CYRIB: variants seen among roughly 807,000 people sequenced by gnomAD.
CYRIB encodes the protein CYFIP-related Rac1 interactor B.
CYRIB carries 8 observed loss-of-function variants against 44.2 expected under a neutral mutation model. The observed-to-expected ratio is 0.18, with a 90% confidence interval of 0.11 to 0.33. CYRIB has a LOEUF of 0.33. Among genes scored for constraint, CYRIB ranks in the 10% least tolerant of loss-of-function variants. The pLI, the probability that CYRIB is intolerant of heterozygous loss-of-function variation, is 1.00. For missense variants in CYRIB, 185 were observed against 382.8 expected (o/e 0.48, Z 4.31); for synonymous variants, 131 against 127.2 (o/e 1.03, Z -0.20).
intron 1 of CYRIB, among the ~76,000 whole-genome samples, chr8:129,983,624 G>A (rs954110785): frequency 2.0e-5 from 3 of 152,210 alleles, no homozygotes; most frequent in African/African-American, 7.2e-5. Flanking sequence ...CGGCAGGAAG[G>A]GATCCAGGGC....
intron 1 of CYRIB, among the ~76,000 whole-genome samples, chr8:129,912,731 AT>A (rs969856648): frequency 9.4e-5 from 14 of 149,592 alleles, no homozygotes; most frequent in African/African-American, 3.4e-4. Flanking sequence ...CTTGCAAGTC[AT>A]TTTTTTTTCA....
At chr8:129,982,341 G>A (rs1021163165) in intron 1 of CYRIB, among the ~76,000 whole-genome samples, 8 of 152,210 alleles carry the variant, frequency 5.3e-5, no homozygotes, top group African/African-American at 1.9e-4. Flanking sequence ...GCCACATGTG[G>A]TTACTGAGCA....
intron 1 of CYRIB, among the ~76,000 whole-genome samples, chr8:129,932,474 G>GT (rs2091797480): frequency 1.3e-5 from 2 of 152,114 alleles, no homozygotes; most frequent in African/African-American, 4.8e-5. Context: ...CTTCTCTCCA[G>GT]TAAGAAAGCC....
chr8:129,913,084 G>A (rs2078889181), intron 1 of CYRIB, among the ~76,000 whole-genome samples: 1 of 151,488 alleles, frequency 6.6e-6, no homozygotes, highest in African/African-American at 2.4e-5. Flanking sequence ...TCATTCTCCG[G>A]CCTCAGCCTC....
At chr8:129,958,711 T>G (rs908475616) in intron 2 of CYRIB, among the ~76,000 whole-genome samples, 1 of 151,482 alleles carries the variant, frequency 6.6e-6, no homozygotes, top group Non-Finnish European at 1.5e-5. Flanking sequence ...ATTCAATTTC[T>G]GTTATTTACC....
intron 1 of CYRIB, among the ~76,000 whole-genome samples, chr8:129,982,149 G>A (rs773303493): frequency 1.1e-4 from 17 of 152,242 alleles, no homozygotes; most frequent in Non-Finnish European, 2.4e-4. Context: ...CACTGGTAGC[G>A]ACATTAACAG....
At chr8:129,909,082 A>G (rs2076819971) in intron 1 of CYRIB, among the ~76,000 whole-genome samples, 1 of 152,120 alleles carries the variant, frequency 6.6e-6, no homozygotes, top group African/African-American at 2.4e-5. Flanking sequence ...ATGAGCCACC[A>G]TGCCTGACCA....
intron 2 of CYRIB, among the ~76,000 whole-genome samples, chr8:129,880,142 T>C (rs1042855218): frequency 5.3e-5 from 8 of 152,234 alleles, no homozygotes; most frequent in African/African-American, 1.9e-4. Flanking sequence ...ACTTGCTTCA[T>C]GGACTAATGA....
chr8:129,919,653 C>T (rs1450176417), intron 1 of CYRIB, among the ~76,000 whole-genome samples: 1 of 152,000 alleles, frequency 6.6e-6, no homozygotes, highest in Non-Finnish European at 1.5e-5. Flanking sequence ...AAAAAAACAC[C>T]AGTACTACTA....
intron 1 of CYRIB, among the ~76,000 whole-genome samples, chr8:129,976,648 G>A (rs1174594042): frequency 6.6e-6 from 1 of 152,146 alleles, no homozygotes; most frequent in Non-Finnish European, 1.5e-5. Flanking sequence ...TTAGTTATAA[G>A]CGGTTTTTCC....
At chr8:130,016,546 A>G, upstream of CYRIB, 1 of 156,734 alleles carries the variant, frequency 6.4e-6, no homozygotes, top group South Asian at 1.6e-4. Context: ...GGCGAGTGCC[A>G]GGCGAGAAAT....
intron 1 of CYRIB, among the ~76,000 whole-genome samples, chr8:129,918,710 G>A (rs1167915874): frequency 6.6e-6 from 1 of 152,164 alleles, no homozygotes; most frequent in Non-Finnish European, 1.5e-5. Flanking sequence ...ACTCTGCTCT[G>A]CACTAAGCAC....
upstream of CYRIB, among the ~76,000 whole-genome samples, chr8:129,941,063 T>C (rs560297852): frequency 3.3e-5 from 5 of 152,212 alleles, no homozygotes; most frequent in South Asian, 2.1e-4. Context: ...TCTTGAGTTA[T>C]GTAGAAACCA....
At chr8:129,896,965 T>G (rs1363474308) in intron 2 of CYRIB, 1 of 152,232 alleles carries the variant, frequency 6.6e-6, no homozygotes, top group Non-Finnish European at 1.5e-5. Flanking sequence ...TTGTTCTGCT[T>G]TCTCTCATAA....
chr8:129,880,807 AAG>A (rs1204019572), intron 2 of CYRIB, among the ~76,000 whole-genome samples: 3 of 152,238 alleles, frequency 2.0e-5, no homozygotes, highest in African/African-American at 7.2e-5. Context: ...TTTCTCAAAT[AAG>A]TAACTATAGA....
chr8:129,965,963 T>C (rs943305599), intron 2 of CYRIB, among the ~76,000 whole-genome samples: 4 of 152,054 alleles, frequency 2.6e-5, no homozygotes, highest in African/African-American at 9.7e-5. Flanking sequence ...GCTATTCTCC[T>C]ACGTCGGCTT....
chr8:129,866,003 C>T (rs750460050), intron 4 of CYRIB, among the ~76,000 whole-genome samples: 8 of 152,164 alleles, frequency 5.3e-5, no homozygotes. Flanking sequence ...CATTCTTAGA[C>T]CAGTTAGCCT....
upstream of CYRIB, among the ~76,000 whole-genome samples, chr8:129,944,393 C>T (rs2093988128): frequency 6.6e-6 from 1 of 152,190 alleles, no homozygotes; most frequent in Non-Finnish European, 1.5e-5. Flanking sequence ...CCCAGAGGCT[C>T]CTGGCTTAGC....
At chr8:129,912,979 T>TC (rs2078836389) in intron 1 of CYRIB, among the ~76,000 whole-genome samples, 1 of 150,668 alleles carries the variant, frequency 6.6e-6, no homozygotes, top group African/African-American at 2.4e-5. Flanking sequence ...CACTTTTTTT[T>TC]TTTTTTTTTT....
Sources: allele counts gnomAD v4.1 joint callset (sites outside exome capture counted in the v4.1 genomes callset), GRCh38; gene constraint gnomAD v4.1.1; transcripts MANE v1.5; gene names NCBI Gene and HGNC (gene_info 2026-07-23, HGNC 2026-07-21).